The following CAMTA1 variants were observed in gnomAD, a reference collection of about 807,000 sequenced individuals.
CAMTA1 encodes the protein calmodulin binding transcription activator 1, also known as calmodulin-binding transcription activator 1.
A neutral mutation model predicts 170.9 loss-of-function variants in CAMTA1; 27 were observed. The observed-to-expected ratio is 0.16, with a 90% CI of 0.12 to 0.22. The LOEUF is 0.22. CAMTA1 is among the 10% of genes least tolerant of loss of function. CAMTA1 has a pLI of 1.00. For missense variants in CAMTA1, 1,619 were observed against 2,217.2 expected, an observed-to-expected ratio of 0.73 and a Z score of 5.42; for synonymous variants, 833 against 891.5, an observed-to-expected ratio of 0.93 and a Z score of 1.17.
intron 5 of CAMTA1, among the ~76,000 whole-genome samples, chr1:7,324,222 C>A (rs1317032290): frequency 6.6e-6 from 1 of 152,182 alleles, no homozygotes; most frequent in Non-Finnish European, 1.5e-5. Flanking sequence ...TTGAATATTT[C>A]ATCAATATGG....
At chr1:7,640,622 G>A (rs2095753340) in intron 7 of CAMTA1, 69 bp downstream of exon 7, 1 of 1,586,840 alleles carries the variant, frequency 6.3e-7, no homozygotes, top group Non-Finnish European at 8.6e-7. Flanking sequence ...GGCGGGGCCA[G>A]GAAGGTCCTC....
chr1:7,412,744 A>C (rs1439099661), intron 5 of CAMTA1, among the ~76,000 whole-genome samples: 1 of 151,982 alleles, frequency 6.6e-6, no homozygotes, highest in Non-Finnish European at 1.5e-5. Flanking sequence ...TGCTGTGCAG[A>C]AACTCTTTAG....
At chr1:7,320,682 T>C (rs1451797610) in intron 5 of CAMTA1, among the ~76,000 whole-genome samples, 4 of 148,108 alleles carry the variant, frequency 2.7e-5, no homozygotes, top group Non-Finnish European at 5.9e-5. Flanking sequence ...TTTGCTATCT[T>C]AGCCAGCATG....
At chr1:6,988,242 G>A (rs752501431) in intron 3 of CAMTA1, among the ~76,000 whole-genome samples, 3 of 152,112 alleles carry the variant, frequency 2.0e-5, no homozygotes, top group Non-Finnish European at 2.9e-5. Context: ...GAGAAGGGCC[G>A]TGACGCTCCG....
chr1:7,150,915 C>T (rs1646535694), intron 4 of CAMTA1, among the ~76,000 whole-genome samples: 2 of 152,190 alleles, frequency 1.3e-5, no homozygotes, highest in South Asian at 4.1e-4. Context: ...GTAAAGAAGG[C>T]AGGCGCAGAG....
intron 5 of CAMTA1, among the ~76,000 whole-genome samples, chr1:7,354,627 T>C (rs937328171): frequency 6.6e-6 from 1 of 152,242 alleles, no homozygotes; most frequent in Non-Finnish European, 1.5e-5. Context: ...TTTTAAGTTC[T>C]TGAGAAGTCT....
In CAMTA1 at chr1:7,195,271, A is replaced by G. The variant is rs1367616132; in HGVS notation, c.303-54220A>G. Among the ~76,000 whole-genome samples, 1 of 152,184 alleles carries G rather than the reference A, an allele frequency of 6.6e-6. No individual in the cohort carries two copies. Among genetic ancestry groups the G allele is most frequent in the East Asian group, 1.9e-4 (1 of 5,188 alleles). ...ACACCATTCGACATTTGGGGTGACCAAGTCATGCACTCTGACCAGTGAAAT... is the reference window on the plus strand; with the variant it reads ...ACACCATTCGACATTTGGGGTGACCGAGTCATGCACTCTGACCAGTGAAAT... On this transcript the variant is annotated intron_variant, in intron 4 of 22. Coordinates refer to ENST00000303635, the MANE Select transcript of CAMTA1 (RefSeq NM_015215.4). This position sits in a 1 kb window ranked among gnomAD's most constrained non-coding sequence, Gnocchi z 4.1.
chr1:7,061,941 C>A (rs559000339), intron 3 of CAMTA1, among the ~76,000 whole-genome samples: 2 of 152,006 alleles, frequency 1.3e-5, no homozygotes, highest in South Asian at 4.2e-4. Flanking sequence ...TTTTTGAGAC[C>A]GAGTTTTGTT....
At position 7,664,230 on chromosome 1, in the gene CAMTA1, C is replaced by T. The variant is rs1194834172; in HGVS notation, c.1683C>T (p.Thr561=). ...CGGCTGTGGCAGCCAGCTCCCTCACCCTGACCGCCGGCTCCAGCCTCCTGC... is the reference window on the plus strand; with the variant it reads ...CGGCTGTGGCAGCCAGCTCCCTCACTCTGACCGCCGGCTCCAGCCTCCTGC... The part of the protein sequence containing the change: ...SAAAVAASSL[T]LTAGSSLLPS... The change falls in exon 9 of 23, where the codon ACC becomes ACT. Residue 561 remains threonine (T), a synonymous_variant. Coordinates refer to ENST00000303635, the MANE Select transcript of CAMTA1 (RefSeq NM_015215.4). 1.2e-6 allele frequency: 2 copies of T among 1,612,648 alleles called. No homozygotes were observed. The highest frequency in any genetic ancestry group is 1.7e-6 in the Non-Finnish European group (2 of 1,179,942).
At chr1:7,361,694 A>G (rs755619953) in intron 5 of CAMTA1, among the ~76,000 whole-genome samples, 42 of 152,258 alleles carry the variant, frequency 2.8e-4, no homozygotes, top group Non-Finnish European at 5.0e-4. Context: ...ACTTTTATGC[A>G]TGGCAATAAA....
At chr1:6,962,313 G>A (rs533343685) in intron 3 of CAMTA1, among the ~76,000 whole-genome samples, 1 of 152,172 alleles carries the variant, frequency 6.6e-6, no homozygotes, top group African/African-American at 2.4e-5. Context: ...TGGTCCCTGG[G>A]GCGAGGGGCC....
chr1:7,306,878 A>C (rs907166124), intron 5 of CAMTA1, among the ~76,000 whole-genome samples: 10 of 152,000 alleles, frequency 6.6e-5, no homozygotes, highest in African/African-American at 2.4e-4. Context: ...ACAAGTAAAA[A>C]ATACAGTATA....
At chr1:6,954,742 C>T (rs958210162) in intron 3 of CAMTA1, among the ~76,000 whole-genome samples, 19 of 152,168 alleles carry the variant, frequency 1.2e-4, no homozygotes, top group East Asian at 5.8e-4. Context: ...AGCCCTGCCC[C>T]GCCGCCTGGG....
At chr1:7,468,845 C>G (rs1022831931) in intron 6 of CAMTA1, among the ~76,000 whole-genome samples, 1 of 152,156 alleles carries the variant, frequency 6.6e-6, no homozygotes, top group Non-Finnish European at 1.5e-5. Flanking sequence ...GTTGGAGGGG[C>G]CTGGCAGCTG....
chr1:7,118,348 A>G (rs1178299076), intron 4 of CAMTA1, among the ~76,000 whole-genome samples: 3 of 140,600 alleles, frequency 2.1e-5, no homozygotes, highest in Admixed American at 7.7e-5. Flanking sequence ...GCTGGAGTGC[A>G]GTGGTGCAGT....
At chr1:7,175,511 T>C (rs561992499) in intron 4 of CAMTA1, among the ~76,000 whole-genome samples, 29 of 152,366 alleles carry the variant, frequency 1.9e-4, no homozygotes, top group African/African-American at 7.0e-4. Flanking sequence ...AAATGCTCTA[T>C]GTGTTGTATT....
chr1:7,502,741 G>A (rs182748610), intron 6 of CAMTA1, among the ~76,000 whole-genome samples: 124 of 152,336 alleles, frequency 8.1e-4, no homozygotes, highest in Non-Finnish European at 1.3e-3. Flanking sequence ...CAATGCCGAC[G>A]GAGATGTGAA....
At chr1:7,352,147 G>A (rs1239541957) in intron 5 of CAMTA1, among the ~76,000 whole-genome samples, 1 of 152,040 alleles carries the variant, frequency 6.6e-6, no homozygotes, top group Non-Finnish European at 1.5e-5. Flanking sequence ...AAGGAAGCAG[G>A]GAGAAGAAGA....
At position 7,420,032 on chromosome 1, in the gene CAMTA1, T is replaced by C. The variant is rs77686617; in HGVS notation, c.439-47798T>C. 1.5e-3 allele frequency among the ~76,000 whole-genome samples: 235 copies of C among 152,252 alleles called. 6 individuals are homozygous for C. The East Asian group carries it at 0.042, about 27-fold the overall frequency. On this transcript the variant is annotated intron_variant, in intron 5 of 22. Coordinates refer to ENST00000303635, the MANE Select transcript of CAMTA1 (RefSeq NM_015215.4). Reference sequence around the variant, plus strand: ...TGTTACCTGGAGCCATCAGCTAATGTCACTTTCCTGCTCAGAAGCCACCAG... The same window carrying C: ...TGTTACCTGGAGCCATCAGCTAATGCCACTTTCCTGCTCAGAAGCCACCAG...
Sources: allele counts gnomAD v4.1 joint callset (sites outside exome capture counted in the v4.1 genomes callset), GRCh38; gene constraint gnomAD v4.1.1; non-coding constraint Gnocchi (gnomAD v3.1); transcripts MANE v1.5; gene names NCBI Gene and HGNC (gene_info 2026-07-23, HGNC 2026-07-21).